The following FAM107B variants were observed in gnomAD, a reference collection of about 807,000 sequenced individuals.
The protein encoded by FAM107B is protein FAM107B.
Under a neutral mutation model 31.5 loss-of-function variants are expected in FAM107B, and 21 were observed. That is an observed-to-expected ratio of 0.67 (90% CI 0.47 to 0.96). FAM107B has a LOEUF of 0.96. Ranked by LOEUF, FAM107B falls within the 40% of genes least tolerant of loss-of-function variation. The pLI, the probability that FAM107B is intolerant of heterozygous loss-of-function variation, is 0.00. For synonymous variants in FAM107B, 157 were observed against 141.5 expected (o/e 1.11, Z -0.78); for missense variants, 452 against 377.1 (o/e 1.20, Z -1.64).
At chr10:14,702,231 A>T (rs1330091485) in intron 1 of FAM107B, among the ~76,000 whole-genome samples, 1 of 152,100 alleles carries the variant, frequency 6.6e-6, no homozygotes, top group African/African-American at 2.4e-5. Context: ...ATATCCTAGG[A>T]CTCCATCTTA....
chr10:14,537,584 A>G (rs530978024), intron 2 of FAM107B, among the ~76,000 whole-genome samples: 10 of 152,318 alleles, frequency 6.6e-5, no homozygotes, highest in Middle Eastern at 3.4e-3. Flanking sequence ...TCATACCTGT[A>G]ATCCCAGCAC....
intron 2 of FAM107B, among the ~76,000 whole-genome samples, chr10:14,575,467 T>C (rs1289877688): frequency 2.6e-5 from 4 of 151,896 alleles, no homozygotes; most frequent in African/African-American, 4.8e-5. Context: ...CCTCTGAGAG[T>C]GCTGGGATTA....
At chr10:14,606,816 C>A (rs1231383969) in intron 2 of FAM107B, among the ~76,000 whole-genome samples, 3 of 152,198 alleles carry the variant, frequency 2.0e-5, no homozygotes, top group Non-Finnish European at 4.4e-5. Context: ...GAAAGAGAGG[C>A]CTCACCAGAA....
At chr10:14,742,136 G>A (rs1320711216) in intron 1 of FAM107B, among the ~76,000 whole-genome samples, 1 of 152,090 alleles carries the variant, frequency 6.6e-6, no homozygotes, top group Non-Finnish European at 1.5e-5. Flanking sequence ...TTTTGAGAAA[G>A]GGTCTTGCTC....
chr10:14,602,062 T>C (rs191226152), intron 2 of FAM107B, among the ~76,000 whole-genome samples: 3 of 152,306 alleles, frequency 2.0e-5, no homozygotes, highest in Admixed American at 6.5e-5. Context: ...GGTAGGAGAT[T>C]GTGACATTTC....
intron 1 of FAM107B, among the ~76,000 whole-genome samples, chr10:14,704,936 A>G (rs1027362344): frequency 6.0e-5 from 9 of 151,216 alleles, no homozygotes; most frequent in South Asian, 2.1e-4. Flanking sequence ...AGGCAGGAGA[A>G]TCACTTGAAC....
chr10:14,569,592 G>A (rs1851017453), intron 2 of FAM107B, among the ~76,000 whole-genome samples: 1 of 152,200 alleles, frequency 6.6e-6, no homozygotes, highest in African/African-American at 2.4e-5. Flanking sequence ...TCTGTTCAGT[G>A]TAACCTTCCT....
intron 2 of FAM107B, among the ~76,000 whole-genome samples, chr10:14,586,092 G>T (rs550349501): frequency 2.8e-4 from 43 of 152,280 alleles, no homozygotes; most frequent in African/African-American, 9.4e-4. Flanking sequence ...ACCTGGGCAA[G>T]GGCACTGAGT....
At chr10:14,723,186 T>A in intron 1 of FAM107B, 1 of 518,864 alleles carries the variant, frequency 1.9e-6, no homozygotes, top group South Asian at 1.4e-5. Flanking sequence ...ATTCAGTGGT[T>A]GCTCCTAACC....
chr10:14,618,242 C>T (rs547891745), intron 2 of FAM107B, among the ~76,000 whole-genome samples: 1 of 152,162 alleles, frequency 6.6e-6, no homozygotes, highest in Non-Finnish European at 1.5e-5. Flanking sequence ...ATCAGTAATT[C>T]GTTCTTTTTA....
rs557965271 is a variant in FAM107B at position 14,655,349 on chromosome 10, T to G, written c.469+12285A>C. Among the ~76,000 whole-genome samples the G allele has an allele frequency of 2.0e-5, 3 of 152,326 alleles. No homozygotes were observed. The South Asian group carries it at 6.2e-4, about 32-fold the overall frequency. ...TAGTAAGTAGTCAAAGAAGATAGTT[T>G]GCATTTAGTGTTTTAATTATTTTTG... On this transcript the variant is annotated intron_variant, in intron 2 of 4. Coordinates refer to ENST00000181796, the MANE Select transcript of FAM107B (RefSeq NM_031453.4).
At chr10:14,727,620 C>T (rs1026490080) in intron 1 of FAM107B, among the ~76,000 whole-genome samples, 7 of 152,224 alleles carry the variant, frequency 4.6e-5, no homozygotes, top group Non-Finnish European at 8.8e-5. Context: ...AATTCTGAGA[C>T]ATGTGTTTTA....
chr10:14,554,579 AG>A (rs1293463786), intron 2 of FAM107B, among the ~76,000 whole-genome samples: 1 of 152,176 alleles, frequency 6.6e-6, no homozygotes, highest in Non-Finnish European at 1.5e-5. Context: ...TACAAATGAG[AG>A]GGGCAGGGTC....
At chr10:14,697,849 G>A (rs531034189) in intron 1 of FAM107B, among the ~76,000 whole-genome samples, 1 of 152,312 alleles carries the variant, frequency 6.6e-6, no homozygotes, top group African/African-American at 2.4e-5. Context: ...CAAGGGCTGG[G>A]CATGGTGGCT....
intron 1 of FAM107B, among the ~76,000 whole-genome samples, chr10:14,727,871 A>G (rs2131556640): frequency 6.6e-6 from 1 of 152,354 alleles, no homozygotes; most frequent in African/African-American, 2.4e-5. Flanking sequence ...TTTGAGGCAA[A>G]TAGAAAAGTT....
intron 2 of FAM107B, among the ~76,000 whole-genome samples, chr10:14,547,147 C>T (rs1848767543): frequency 1.3e-5 from 2 of 152,218 alleles, no homozygotes; most frequent in African/African-American, 4.8e-5. Context: ...TCTGGGTACA[C>T]TGGCCCCGGC....
chr10:14,669,752 G>C (rs1369163021), intron 1 of FAM107B, among the ~76,000 whole-genome samples: 1 of 152,206 alleles, frequency 6.6e-6, no homozygotes, highest in East Asian at 1.9e-4. Flanking sequence ...ACAGAAAGTA[G>C]AATGATAGTT....
At chr10:14,638,103 C>A (rs1405406125) in intron 2 of FAM107B, among the ~76,000 whole-genome samples, 1 of 152,282 alleles carries the variant, frequency 6.6e-6, no homozygotes, top group East Asian at 1.9e-4. Context: ...AGATGGTCAC[C>A]AAACCCAAGG....
At chr10:14,752,270 T>C (rs894425612) in intron 1 of FAM107B, among the ~76,000 whole-genome samples, 25 of 152,164 alleles carry the variant, frequency 1.6e-4, no homozygotes, top group Non-Finnish European at 3.2e-4. Context: ...GCTTCTCCCC[T>C]TTTGCCCCTC....
Sources: allele counts gnomAD v4.1 joint callset (sites outside exome capture counted in the v4.1 genomes callset), GRCh38; gene constraint gnomAD v4.1.1; transcripts MANE v1.5; gene names NCBI Gene and HGNC (gene_info 2026-07-23, HGNC 2026-07-21).